The following ARL15 variants were observed in gnomAD, a reference collection of about 807,000 sequenced individuals.
ARL15 encodes ARF like GTPase 15.
ARL15 carries 19 observed loss-of-function variants against 25.2 expected under a neutral mutation model. That is an observed-to-expected ratio of 0.75 (90% CI 0.53 to 1.10). ARL15 has a LOEUF of 1.10. ARL15 is among the 50% of genes least tolerant of loss of function. The pLI is 0.00. For missense variants in ARL15, 220 were observed against 246.0 expected (o/e 0.89, Z 0.71); for synonymous variants, 94 against 86.8 (o/e 1.08, Z -0.46).
At chr5:54,050,102 T>C (rs1326970608) in intron 4 of ARL15, among the ~76,000 whole-genome samples, 2 of 152,198 alleles carry the variant, frequency 1.3e-5, no homozygotes, top group African/African-American at 4.8e-5. Context: ...TTCAACTATG[T>C]GACAACGAAG....
chr5:54,003,662 TTCTA>T (rs34463762), intron 4 of ARL15, among the ~76,000 whole-genome samples: 11,581 of 138,148 alleles, frequency 0.084, 511 homozygotes, highest in African/African-American at 0.09. Context: ...AATATTTTCT[TTCTA>T]TCTATCTATC....
At chr5:54,273,979 A>G (rs976567763) in intron 1 of ARL15, among the ~76,000 whole-genome samples, 5 of 152,178 alleles carry the variant, frequency 3.3e-5, no homozygotes, top group African/African-American at 1.2e-4. Flanking sequence ...AGTTCAAAGG[A>G]GGCCGTTAGG....
chr5:54,233,304 C>T (rs1756721520), intron 1 of ARL15, among the ~76,000 whole-genome samples: 2 of 152,318 alleles, frequency 1.3e-5, no homozygotes, highest in South Asian at 4.1e-4. Context: ...AAATGACTTA[C>T]AGGCAAACTA....
chr5:54,177,516 A>G (rs1754912566), intron 1 of ARL15, among the ~76,000 whole-genome samples: 1 of 152,224 alleles, frequency 6.6e-6, no homozygotes, highest in African/African-American at 2.4e-5. Flanking sequence ...CCAAGGCAGC[A>G]AGATTATCTT....
At chr5:54,132,157 G>T (rs1753457655) in intron 3 of ARL15, among the ~76,000 whole-genome samples, 1 of 151,978 alleles carries the variant, frequency 6.6e-6, no homozygotes, top group African/African-American at 2.4e-5. Context: ...ATGCCAATAT[G>T]TACATGGAAA....
At chr5:54,288,439 G>C (rs1178155198) in intron 1 of ARL15, among the ~76,000 whole-genome samples, 2 of 152,096 alleles carry the variant, frequency 1.3e-5, no homozygotes, top group Non-Finnish European at 2.9e-5. Context: ...AGCTTCTTGG[G>C]GCCCTAATGA....
At chr5:54,259,699 T>C (rs1277216904) in intron 1 of ARL15, among the ~76,000 whole-genome samples, 1 of 152,154 alleles carries the variant, frequency 6.6e-6, no homozygotes. Flanking sequence ...TCAGAGAACA[T>C]ACAGGCATAA....
chr5:54,151,731 T>TC (rs34775823), intron 3 of ARL15, among the ~76,000 whole-genome samples: 31,705 of 151,924 alleles, frequency 0.21, 4,022 homozygotes, highest in East Asian at 0.68. Context: ...GTCATTAAGA[T>TC]CCCCAAAAGT....
intron 4 of ARL15, among the ~76,000 whole-genome samples, chr5:54,007,619 C>T (rs766019907): frequency 2.1e-4 from 32 of 152,098 alleles, no homozygotes; most frequent in Non-Finnish European, 4.0e-4. Flanking sequence ...CCAGCCTGGG[C>T]AAGGTGGTAA....
intron 3 of ARL15, among the ~76,000 whole-genome samples, chr5:54,116,055 A>G (rs550254138): frequency 6.6e-6 from 1 of 152,346 alleles, no homozygotes; most frequent in East Asian, 1.9e-4. Context: ...GCTTGATGCG[A>G]TAAGGAACTC....
At chr5:53,992,686 A>G (rs1748542557) in intron 4 of ARL15, among the ~76,000 whole-genome samples, 1 of 151,854 alleles carries the variant, frequency 6.6e-6, no homozygotes, top group Non-Finnish European at 1.5e-5. Flanking sequence ...GGACTCTACC[A>G]TGTTAGATGC....
At chr5:53,930,634 G>A (rs139276446) in intron 4 of ARL15, among the ~76,000 whole-genome samples, 107 of 152,202 alleles carry the variant, frequency 7.0e-4, no homozygotes, top group African/African-American at 2.5e-3. Context: ...CAACACTCCA[G>A]GGGAATATTT....
chr5:54,184,333 C>T (rs1328894146), intron 1 of ARL15, among the ~76,000 whole-genome samples: 1 of 147,072 alleles, frequency 6.8e-6, no homozygotes, highest in African/African-American at 2.5e-5. Flanking sequence ...GTCCCAGGTC[C>T]TGGGGAGGGT....
chr5:53,936,788 A>G (rs1024069766), intron 4 of ARL15, among the ~76,000 whole-genome samples: 2 of 152,200 alleles, frequency 1.3e-5, no homozygotes, highest in African/African-American at 4.8e-5. Flanking sequence ...AAGCAGTGAG[A>G]GTTCCTCTGC....
At chr5:54,142,374 A>G (rs1753801354) in intron 3 of ARL15, among the ~76,000 whole-genome samples, 1 of 152,190 alleles carries the variant, frequency 6.6e-6, no homozygotes, top group African/African-American at 2.4e-5. Context: ...TTGTCTAATG[A>G]CAAAAATAAA....
chr5:54,184,888 G>T (rs1174988667), intron 1 of ARL15, among the ~76,000 whole-genome samples: 2 of 152,086 alleles, frequency 1.3e-5, no homozygotes, highest in African/African-American at 4.8e-5. Context: ...CCTAACTGGT[G>T]TCATTAGTTC....
At chr5:54,109,075 T>C (rs932352670) in intron 4 of ARL15, among the ~76,000 whole-genome samples, 4 of 152,030 alleles carry the variant, frequency 2.6e-5, no homozygotes, top group Admixed American at 1.3e-4. Flanking sequence ...GTTCTATGCA[T>C]GTCATAATAA....
At chr5:54,294,954 A>G (rs1006873582) in intron 1 of ARL15, among the ~76,000 whole-genome samples, 2 of 152,214 alleles carry the variant, frequency 1.3e-5, no homozygotes, top group East Asian at 1.9e-4. Context: ...TGAGCTTACT[A>G]TAACTCTTGA....
chr5:54,113,372 G>A lies in ARL15; in HGVS notation c.292C>T (p.Gln98Ter), dbSNP rs1339596924. Reference protein sequence around the residue: ...NIRKYWSRYYQGSQGVIFVLD... With the variant: ...NIRKYWSRYY ...ACAAATATTACCCCTTGAGATCCTTGGTAGTAGCGGCTCCAGTATTTCCGG... is the reference window on the plus strand; with the variant it reads ...ACAAATATTACCCCTTGAGATCCTTAGTAGTAGCGGCTCCAGTATTTCCGG... Residue 98 changes from glutamine (Q) to a stop codon, truncating the protein, a stop_gained, in exon 4 of 5, where the codon CAA (glutamine) becomes TAA (stop). Transcript: ENST00000504924. LOFTEE classifies it high-confidence loss of function. 6.2e-7 allele frequency: 1 copy of A among 1,613,748 alleles called. No homozygotes were observed. The highest frequency in any genetic ancestry group is 8.5e-7 in the Non-Finnish European group (1 of 1,179,860).
Sources: allele counts gnomAD v4.1 joint callset (sites outside exome capture counted in the v4.1 genomes callset), GRCh38; gene constraint gnomAD v4.1.1; transcripts MANE v1.5; gene names NCBI Gene and HGNC (gene_info 2026-07-23, HGNC 2026-07-21).